Variants in DKK3 observed in about 807,000 individuals in gnomAD.
The protein encoded by DKK3 is dickkopf-related protein 3.
A neutral mutation model predicts 33.2 loss-of-function variants in DKK3; 22 were observed. The ratio of observed to expected loss-of-function variants is 0.66; its 90% CI spans 0.47 to 0.95. The LOEUF is 0.95. Ranked by LOEUF, DKK3 falls within the 40% of genes least tolerant of loss-of-function variation. The probability of loss-of-function intolerance (pLI) is 0.00; values close to 1 mark genes in which losing one functional copy is unlikely to be tolerated. For missense variants in DKK3, 398 were observed against 458.4 expected, an observed-to-expected ratio of 0.87 and a Z score of 1.20; for synonymous variants, 194 against 188.8, an observed-to-expected ratio of 1.03 and a Z score of -0.23.
At chr11:11,994,378 A>C (rs968694833) in intron 3 of DKK3, among the ~76,000 whole-genome samples, 1 of 152,094 alleles carries the variant, frequency 6.6e-6, no homozygotes, top group South Asian at 2.1e-4. Flanking sequence ...AAGGCAATGC[A>C]GGGCTCGAAC....
intron 1 of DKK3, among the ~76,000 whole-genome samples, chr11:12,003,845 T>C (rs1345286038): frequency 2.0e-5 from 3 of 152,192 alleles, no homozygotes; most frequent in Admixed American, 6.5e-5. Flanking sequence ...CCACCAGGTT[T>C]GCTGAGCTGA....
chr11:11,999,706 T>C (rs1848383326), intron 2 of DKK3, among the ~76,000 whole-genome samples: 1 of 152,222 alleles, frequency 6.6e-6, no homozygotes, highest in East Asian at 1.9e-4. Flanking sequence ...ATGTGTGTTC[T>C]TTGAGCTCTG....
Position 11,964,506 on chromosome 11 carries a change from A to G in DKK3, c.1011T>C (p.Pro337=). The change falls in exon 7 of 7, where the codon CCT becomes CCC. Residue 337 remains proline, a synonymous_variant. Transcript: ENST00000683431. ...CCAGCAGTGCAGCGGCGGCAGCCGC[A>G]GGCTCCCTCAGCGCCATCTCTTCAG... ...SLTEEMALRE[P]AAAAAALLGG... is the part of the protein sequence containing the mutation. 2 of 1,613,520 alleles carry G rather than the reference A, an allele frequency of 1.2e-6. No individual in the cohort carries two copies. Among genetic ancestry groups the G allele is most frequent in the East Asian group, 4.5e-5 (2 of 44,890 alleles).
In DKK3 at chr11:11,963,553, C is replaced by G. The variant is rs1564903095; in HGVS notation, c.*911G>C. 1 of 152,190 alleles carries G rather than the reference C, an allele frequency of 6.6e-6. No individual in the cohort carries two copies. The highest frequency in any genetic ancestry group is 2.1e-4 in the South Asian group (1 of 4,824). 9.4% of individuals were successfully genotyped at this position (152,190 alleles called of 1,614,324 possible). ...GTCTTCATTAGAAGGACGGCTGCCC[C>G]ACACTGTGAGAACACTGCTGTTCCT... is the stretch of plus-strand genomic sequence containing the variant. On this transcript the variant is annotated 3_prime_UTR_variant, in exon 7 of 7. Transcript: ENST00000683431.
chr11:12,007,609 A>C (rs1352420958), intron 1 of DKK3, among the ~76,000 whole-genome samples: 1 of 152,240 alleles, frequency 6.6e-6, no homozygotes, highest in African/African-American at 2.4e-5. Context: ...GTATCTGATA[A>C]TAGTTGCTAA....
intron 3 of DKK3, among the ~76,000 whole-genome samples, chr11:11,974,362 C>T (rs1172133611): frequency 6.6e-6 from 1 of 152,210 alleles, no homozygotes; most frequent in Non-Finnish European, 1.5e-5. Context: ...GCTGCTATAG[C>T]AGAATACCTG....
chr11:12,008,244 T>C lies in DKK3; in HGVS notation c.213+126A>G, dbSNP rs764022234. 3 of 1,252,512 alleles carry C rather than the reference T, an allele frequency of 2.4e-6. No homozygotes were observed. The highest frequency in any genetic ancestry group is 3.2e-6 in the Non-Finnish European group (3 of 928,094). 77.6% of individuals were successfully genotyped at this position (1,252,512 alleles called of 1,614,324 possible). A position where few individuals can be genotyped will look rare whatever the true frequency, so the allele number is the denominator to read the frequency against. On this transcript the variant is annotated intron_variant, in intron 1 of 6. Transcript: ENST00000683431. The surrounding 1 kb of genome is among the most constrained non-coding windows in gnomAD (Gnocchi z 4.6). ...TGCCTCCAGGTCACTCCGCATCTGC[T>C]GTCGGCCCTTCCCAGGCCCTGCGCG...
At chr11:11,974,514 G>A (rs1348788451) in intron 3 of DKK3, among the ~76,000 whole-genome samples, 1 of 152,154 alleles carries the variant, frequency 6.6e-6, no homozygotes, top group Non-Finnish European at 1.5e-5. Context: ...CCACAAGAAA[G>A]GGCAAGAGAA....
At chr11:11,992,886 T>C (rs1017175909) in intron 3 of DKK3, among the ~76,000 whole-genome samples, 11 of 152,336 alleles carry the variant, frequency 7.2e-5, no homozygotes, top group African/African-American at 2.6e-4. Context: ...TCTTTATATT[T>C]CTTTGATCTA....
chr11:12,000,101 A>C (rs1314466392), intron 2 of DKK3, among the ~76,000 whole-genome samples: 1 of 152,232 alleles, frequency 6.6e-6, no homozygotes, highest in Non-Finnish European at 1.5e-5. Flanking sequence ...AAATCTCCAG[A>C]AGAAGAATAT....
chr11:11,969,552 C>T lies in DKK3; in HGVS notation c.436-1065G>A, dbSNP rs909551545. Among the ~76,000 whole-genome samples, 4 of 152,282 alleles carry T rather than the reference C, an allele frequency of 2.6e-5. No homozygotes were observed. In the South Asian group the frequency reaches 6.2e-4, roughly 24 times the overall value. On this transcript the variant is annotated intron_variant, in intron 3 of 6. Transcript: ENST00000683431. ...CTTGAGCCAAGGGGGTTCAGGGCTCCACATGTAGCAGCCAGTGGTGAGAAG... is the reference window on the plus strand; with the variant it reads ...CTTGAGCCAAGGGGGTTCAGGGCTCTACATGTAGCAGCCAGTGGTGAGAAG...
At chr11:12,000,485 G>A (rs1848401981) in intron 2 of DKK3, among the ~76,000 whole-genome samples, 1 of 150,858 alleles carries the variant, frequency 6.6e-6, no homozygotes, top group South Asian at 2.1e-4. Flanking sequence ...GGGAATATAG[G>A]CATAAGCCAC....
At chr11:11,986,115 G>A (rs1228165134) in intron 3 of DKK3, among the ~76,000 whole-genome samples, 2 of 152,088 alleles carry the variant, frequency 1.3e-5, no homozygotes. Context: ...AGCCACCCGG[G>A]TACCCCTGGC....
Position 11,998,699 on chromosome 11 carries a change from G to T in DKK3, c.432C>A (p.Ser144Arg). The change falls in exon 3 of 7, where the codon AGC becomes AGA. Residue 144 changes from serine to arginine, a missense_variant. Transcript: ENST00000683431. ...TSVGDEEGRRSHECIIDEDCG... is the reference protein window; with the variant it reads ...TSVGDEEGRRRHECIIDEDCG... ...TACAGGGGAAATGACAACTTACGTG[G>T]CTCCTTCTGCCTTCTTCGTCTCCCA... 1 of 1,613,598 alleles carries T rather than the reference G, an allele frequency of 6.2e-7. No homozygotes were observed. Among genetic ancestry groups the T allele is most frequent in the Non-Finnish European group, 8.5e-7 (1 of 1,179,510 alleles).
intron 2 of DKK3, 165 bp downstream of exon 2, chr11:12,002,135 C>G: frequency 1.3e-6 from 1 of 769,328 alleles, no homozygotes; most frequent in Non-Finnish European, 1.9e-6. Flanking sequence ...TGTCTCTCCA[C>G]TTTCAACAGT....
intron 3 of DKK3, among the ~76,000 whole-genome samples, chr11:11,993,294 A>G (rs7481717): frequency 0.57 from 86,145 of 151,964 alleles, 24,843 homozygotes; most frequent in African/African-American, 0.68. Flanking sequence ...TTTTTTATGC[A>G]TACTTTTTTC....
chr11:12,007,109 C>T (rs577238125), intron 1 of DKK3, among the ~76,000 whole-genome samples: 1 of 152,268 alleles, frequency 6.6e-6, no homozygotes, highest in South Asian at 2.1e-4. Flanking sequence ...TCACTGCCTC[C>T]CAAGCCAGTG....
At chr11:11,983,752 G>A (rs1204756134) in intron 3 of DKK3, among the ~76,000 whole-genome samples, 2 of 152,218 alleles carry the variant, frequency 1.3e-5, no homozygotes, top group African/African-American at 4.8e-5. Flanking sequence ...TCTGGGAGAT[G>A]CCCCAGGATG....
intron 1 of DKK3, among the ~76,000 whole-genome samples, chr11:12,007,436 C>T (rs1201559410): frequency 5.3e-5 from 8 of 152,170 alleles, no homozygotes; most frequent in Admixed American, 3.3e-4. Flanking sequence ...GACAGCTCCC[C>T]GCACCTGGAC....
Sources: gnomAD v4.1 joint callset for allele counts (sites outside exome capture counted in the v4.1 genomes callset) on GRCh38, gnomAD v4.1.1 for gene constraint, Gnocchi (gnomAD v3.1) non-coding constraint, MANE v1.5 for transcripts, NCBI Gene and HGNC (gene_info 2026-07-23, HGNC 2026-07-21) for gene names.